TAF4B: variants seen among roughly 807,000 people sequenced by gnomAD.
TAF4B encodes the protein TATA-box binding protein associated factor 4b, also known as transcription initiation factor TFIID subunit 4B.
In TAF4B, 38 loss-of-function variants were observed where a neutral mutation model predicts 86.4. That is an observed-to-expected ratio of 0.44 (90% CI 0.34 to 0.58). TAF4B has a LOEUF of 0.58. TAF4B is among the 20% of genes least tolerant of loss of function. The pLI is 0.02. For missense variants in TAF4B, 988 were observed against 1,027.6 expected (o/e 0.96, Z 0.53); for synonymous variants, 388 against 391.2 (o/e 0.99, Z 0.10).
At chr18:26,234,385 C>T (rs902159129) in intron 1 of TAF4B, among the ~76,000 whole-genome samples, 21 of 152,340 alleles carry the variant, frequency 1.4e-4, no homozygotes, top group African/African-American at 4.8e-4. Context: ...TGGGGGTTCT[C>T]CCAGAGGTTG....
intron 14 of TAF4B, among the ~76,000 whole-genome samples, chr18:26,360,850 G>A (rs2057323399): frequency 6.6e-6 from 1 of 152,134 alleles, no homozygotes; most frequent in Non-Finnish European, 1.5e-5. Context: ...ACTTTGTATG[G>A]TTTTGAAAAT....
chr18:26,346,336 T>C (rs1390530879), intron 13 of TAF4B, among the ~76,000 whole-genome samples: 1 of 34,630 alleles, frequency 2.9e-5, no homozygotes, highest in South Asian at 8.5e-4. Flanking sequence ...AAAAAAAGAA[T>C]GAAGAAAGCT....
chr18:26,233,602 C>G (rs995377703), intron 1 of TAF4B, among the ~76,000 whole-genome samples: 2 of 152,146 alleles, frequency 1.3e-5, no homozygotes, highest in African/African-American at 4.8e-5. Context: ...ACAGGTTGCG[C>G]TGCATGCATA....
At chr18:26,302,528 G>A (rs1394377335) in intron 9 of TAF4B, among the ~76,000 whole-genome samples, 2 of 151,698 alleles carry the variant, frequency 1.3e-5, no homozygotes, top group Non-Finnish European at 2.9e-5. Flanking sequence ...CAATTGGCTA[G>A]TTTTTAAATT....
At chr18:26,349,926 T>A (rs1216565409) in intron 13 of TAF4B, among the ~76,000 whole-genome samples, 1 of 152,172 alleles carries the variant, frequency 6.6e-6, no homozygotes, top group African/African-American at 2.4e-5. Flanking sequence ...AGCCAACATA[T>A]TTTTTGACAA....
intron 12 of TAF4B, among the ~76,000 whole-genome samples, chr18:26,334,267 T>G (rs981323353): frequency 6.6e-6 from 1 of 152,128 alleles, no homozygotes; most frequent in Non-Finnish European, 1.5e-5. Flanking sequence ...TAACCAAAGG[T>G]TCTGGTAAAT....
intron 1 of TAF4B, among the ~76,000 whole-genome samples, chr18:26,241,534 A>G (rs1020293810): frequency 3.9e-5 from 6 of 152,114 alleles, no homozygotes; most frequent in African/African-American, 1.4e-4. Flanking sequence ...TCAAAAAACC[A>G]GCTCCTGGAT....
At chr18:26,345,514 C>T (rs2057169719) in intron 13 of TAF4B, among the ~76,000 whole-genome samples, 1 of 152,158 alleles carries the variant, frequency 6.6e-6, no homozygotes, top group African/African-American at 2.4e-5. Context: ...GCCCAGTGAG[C>T]CCACACCCAG....
At chr18:26,309,281 G>T (rs1282254225) in intron 9 of TAF4B, among the ~76,000 whole-genome samples, 2 of 60,954 alleles carry the variant, frequency 3.3e-5, no homozygotes, top group African/African-American at 1.3e-4. Flanking sequence ...TTTTTTTTTT[G>T]CCAATGATAA....
At chr18:26,240,304 C>A (rs564742852) in intron 1 of TAF4B, among the ~76,000 whole-genome samples, 2 of 152,152 alleles carry the variant, frequency 1.3e-5, no homozygotes, top group Non-Finnish European at 2.9e-5. Flanking sequence ...CTTCACGTCC[C>A]TTGTAAGTTG....
At chr18:26,351,300 A>C (rs1216581337) in intron 13 of TAF4B, among the ~76,000 whole-genome samples, 6 of 152,218 alleles carry the variant, frequency 3.9e-5, no homozygotes, top group Non-Finnish European at 7.3e-5. Context: ...CTGATCTGTG[A>C]AAGCTAAAAC....
In TAF4B at chr18:26,386,609, C is replaced by CT. The variant is rs199952139; in HGVS notation, c.2422-3228dup. 2.9e-3 allele frequency among the ~76,000 whole-genome samples: 439 copies of CT among 152,114 alleles called. 4 individuals are homozygous for CT. Among genetic ancestry groups the CT allele is most frequent in the East Asian group, 0.019 (99 of 5,176 alleles). On this transcript the variant is annotated intron_variant, in intron 14 of 14. Transcript: ENST00000269142. ...CCCCCATGGGAACTCACTCTCCTGACTTTTTTTTAGCTTTGCCTGTTCTGG... is the reference window on the plus strand; with the variant it reads ...CCCCCATGGGAACTCACTCTCCTGACTTTTTTTTTAGCTTTGCCTGTTCTGG...
At chr18:26,342,924 A>G (rs1337642024) in intron 13 of TAF4B, among the ~76,000 whole-genome samples, 1 of 152,244 alleles carries the variant, frequency 6.6e-6, no homozygotes, top group Non-Finnish European at 1.5e-5. Flanking sequence ...TCAGTATATA[A>G]TATAACAGAA....
intron 13 of TAF4B, among the ~76,000 whole-genome samples, chr18:26,345,294 A>C (rs1429144511): frequency 2.6e-5 from 4 of 152,180 alleles, no homozygotes; most frequent in Non-Finnish European, 5.9e-5. Context: ...TCCTCACCAG[A>C]CATGTCTTTA....
chr18:26,336,808 G>A (rs921648014), intron 13 of TAF4B, among the ~76,000 whole-genome samples: 1 of 152,148 alleles, frequency 6.6e-6, no homozygotes, highest in African/African-American at 2.4e-5. Flanking sequence ...TGGAAAATGT[G>A]CAACAGAAAG....
At chr18:26,275,925 A>C (rs988419182) in intron 5 of TAF4B, among the ~76,000 whole-genome samples, 15 of 151,162 alleles carry the variant, frequency 9.9e-5, no homozygotes, top group African/African-American at 2.9e-4. Context: ...CTGAGGCAGG[A>C]GAATGGCTTG....
chr18:26,294,840 G>A (rs1207903586), intron 9 of TAF4B, among the ~76,000 whole-genome samples: 3 of 150,084 alleles, frequency 2.0e-5, no homozygotes, highest in Admixed American at 6.6e-5. Context: ...AGCCTGAAAC[G>A]AGATCTTCTG....
chr18:26,242,622 T>C (rs1451877498), intron 1 of TAF4B, among the ~76,000 whole-genome samples: 2 of 152,232 alleles, frequency 1.3e-5, no homozygotes, highest in East Asian at 1.9e-4. Context: ...TTTGATCCTG[T>C]CATTATGATG....
chr18:26,252,422 T>G (rs2056019750), intron 1 of TAF4B, among the ~76,000 whole-genome samples: 1 of 152,232 alleles, frequency 6.6e-6, no homozygotes, highest in Non-Finnish European at 1.5e-5. Context: ...ATTAGGATTT[T>G]CTATATATAG....
Sources: gnomAD v4.1 joint callset for allele counts (sites outside exome capture counted in the v4.1 genomes callset) on GRCh38, gnomAD v4.1.1 for gene constraint, MANE v1.5 for transcripts, NCBI Gene and HGNC (gene_info 2026-07-23, HGNC 2026-07-21) for gene names.